LRRC4C: variants seen among roughly 807,000 people sequenced by gnomAD.
LRRC4C encodes the protein leucine-rich repeat-containing protein 4C.
Under a neutral mutation model 33.6 loss-of-function variants are expected in LRRC4C, and 5 were observed. That is an observed-to-expected ratio of 0.15 (90% CI 0.08 to 0.31). LRRC4C has a LOEUF of 0.31. LRRC4C is among the 10% of genes least tolerant of loss of function. The pLI is 1.00. For missense variants in LRRC4C, 560 were observed against 796.7 expected, an observed-to-expected ratio of 0.70 and a Z score of 3.58; for synonymous variants, 329 against 302.0, an observed-to-expected ratio of 1.09 and a Z score of -0.93.
chr11:41,438,064 A>ATAAATAAATAAATAC (rs1955495067), intron 1 of LRRC4C, among the ~76,000 whole-genome samples: 1 of 148,574 alleles, frequency 6.7e-6, no homozygotes, highest in African/African-American at 2.5e-5. Flanking sequence ...TAAATAAATA[A>ATAAATAAATAAATAC]ATAAATAATA....
intron 2 of LRRC4C, among the ~76,000 whole-genome samples, chr11:40,851,815 G>T (rs2135748405): frequency 6.6e-6 from 1 of 152,168 alleles, no homozygotes; most frequent in South Asian, 2.1e-4. Context: ...TTAAATAAGT[G>T]GATTGTCCTT....
At chr11:40,422,743 C>CT (rs1031835983) in intron 3 of LRRC4C, among the ~76,000 whole-genome samples, 23 of 150,278 alleles carry the variant, frequency 1.5e-4, no homozygotes, top group Non-Finnish European at 3.0e-5. Flanking sequence ...ACTTAAAATT[C>CT]TTTTTGGCCA....
chr11:41,231,254 C>T (rs983370951), intron 1 of LRRC4C, among the ~76,000 whole-genome samples: 7 of 152,004 alleles, frequency 4.6e-5, no homozygotes, highest in Non-Finnish European at 5.9e-5. Context: ...CCCAGCCATC[C>T]CATTACTGGG....
At chr11:41,065,721 G>A (rs1938184113) in intron 1 of LRRC4C, among the ~76,000 whole-genome samples, 1 of 152,170 alleles carries the variant, frequency 6.6e-6, no homozygotes, top group Non-Finnish European at 1.5e-5. Flanking sequence ...GGAAAGAGCA[G>A]GTAGCAATCT....
At chr11:41,274,303 A>G (rs1451280784) in intron 1 of LRRC4C, among the ~76,000 whole-genome samples, 1 of 152,134 alleles carries the variant, frequency 6.6e-6, no homozygotes, top group African/African-American at 2.4e-5. Flanking sequence ...TTTTAGAAGG[A>G]CATCTACAGC....
rs376299166 is a variant in LRRC4C, at chr11:40,791,125, C to T, written c.-407+142510G>A. 1.6e-4 allele frequency among the ~76,000 whole-genome samples: 24 copies of T among 152,278 alleles called. 1 individual carries two copies. In the South Asian group the frequency reaches 4.6e-3, roughly 29 times the overall value. On this transcript the variant is annotated intron_variant, in intron 2 of 6. Coordinates refer to ENST00000528697, the MANE Select transcript of LRRC4C (RefSeq NM_001258419.2). ...ATTTAAAGCTCACTCCCCACCTCTTCCAGAGGTGCTCATGAATTTGCTCAT... is the reference window on the plus strand; with the variant it reads ...ATTTAAAGCTCACTCCCCACCTCTTTCAGAGGTGCTCATGAATTTGCTCAT...
At chr11:40,127,018 G>A (rs1328062822) in intron 6 of LRRC4C, among the ~76,000 whole-genome samples, 2 of 151,796 alleles carry the variant, frequency 1.3e-5, no homozygotes, top group East Asian at 1.9e-4. Flanking sequence ...AGTGGCTCAC[G>A]CCTATAATCC....
chr11:40,437,066 G>A (rs889802004), intron 3 of LRRC4C, among the ~76,000 whole-genome samples: 1 of 152,138 alleles, frequency 6.6e-6, no homozygotes, highest in African/African-American at 2.4e-5. Flanking sequence ...TATATTTTTT[G>A]TGGGCTTTAA....
chr11:40,321,089 G>A (rs778916907), intron 3 of LRRC4C, among the ~76,000 whole-genome samples: 5 of 152,148 alleles, frequency 3.3e-5, no homozygotes, highest in Admixed American at 6.6e-5. Flanking sequence ...CCATCCTTCA[G>A]CTATCCTGAT....
At chr11:40,546,040 C>T (rs1260889064) in intron 3 of LRRC4C, among the ~76,000 whole-genome samples, 1 of 151,788 alleles carries the variant, frequency 6.6e-6, no homozygotes, top group Non-Finnish European at 1.5e-5. Flanking sequence ...AATATGTGTG[C>T]ATTTTATTTC....
At chr11:41,312,989 AC>A (rs1222043882) in intron 1 of LRRC4C, among the ~76,000 whole-genome samples, 1 of 152,244 alleles carries the variant, frequency 6.6e-6, no homozygotes, top group Non-Finnish European at 1.5e-5. Flanking sequence ...CTGGACTAAT[AC>A]ATGGTAATAA....
Position 40,116,167 on chromosome 11 carries a change from C to T in LRRC4C, c.126G>A (p.Val42=). ...ALQLLVVAGL[V]RAQTCPSVCS... is the part of the protein sequence containing the mutation. ...ACACAGAAGGGCAGGTCTGAGCCCGCACCAGACCAGCCACCACAAGAAGTT... is the reference window on the plus strand; with the variant it reads ...ACACAGAAGGGCAGGTCTGAGCCCGTACCAGACCAGCCACCACAAGAAGTT... The change falls in exon 7 of 7, where the codon GTG becomes GTA. Residue 42 remains valine (V), a synonymous_variant. Coordinates refer to ENST00000528697, the MANE Select transcript of LRRC4C (RefSeq NM_001258419.2). 2 of 1,613,862 alleles carry T rather than the reference C, an allele frequency of 1.2e-6. No homozygotes were observed. Among genetic ancestry groups the T allele is most frequent in the African/African-American group, 1.3e-5 (1 of 74,992 alleles).
chr11:40,980,788 A>G (rs887994773), intron 1 of LRRC4C, among the ~76,000 whole-genome samples: 6 of 152,168 alleles, frequency 3.9e-5, no homozygotes, highest in Admixed American at 6.5e-5. Flanking sequence ...TTCTTAATTC[A>G]TACCTTATTT....
chr11:40,694,462 A>G (rs1410605901), intron 2 of LRRC4C, among the ~76,000 whole-genome samples: 1 of 152,192 alleles, frequency 6.6e-6, no homozygotes. Context: ...CAGTCCACCA[A>G]TGAGTATAAT....
At chr11:41,229,645 T>C (rs747606324) in intron 1 of LRRC4C, among the ~76,000 whole-genome samples, 2 of 152,122 alleles carry the variant, frequency 1.3e-5, no homozygotes, top group Non-Finnish European at 2.9e-5. Flanking sequence ...TCATTTTAAA[T>C]GATGGCTGGT....
intron 1 of LRRC4C, among the ~76,000 whole-genome samples, chr11:41,452,351 T>C (rs2138654891): frequency 6.6e-6 from 1 of 152,216 alleles, no homozygotes; most frequent in African/African-American, 2.4e-5. Flanking sequence ...ATGTGTTTGC[T>C]CAATAGATAT....
At chr11:40,299,713 A>C in intron 4 of LRRC4C, among the ~76,000 whole-genome samples, 1 of 152,202 alleles carries the variant, frequency 6.6e-6, no homozygotes, top group East Asian at 1.9e-4. Flanking sequence ...TTGACCTCTT[A>C]ATAAATTTTG....
intron 3 of LRRC4C, among the ~76,000 whole-genome samples, chr11:40,495,813 GTTTTTTT>G (rs77683172): frequency 0.044 from 2,965 of 66,974 alleles, 220 homozygotes; most frequent in Middle Eastern, 0.081. Context: ...CAATAAACAT[GTTTTTTT>G]TTTTTTTTTT....
chr11:40,852,870 AC>A (rs1401231256), intron 2 of LRRC4C, among the ~76,000 whole-genome samples: 1 of 152,228 alleles, frequency 6.6e-6, no homozygotes, highest in Non-Finnish European at 1.5e-5. Context: ...AAAACACTTA[AC>A]AAAAATATGT....
Sources: gnomAD v4.1 joint callset for allele counts (sites outside exome capture counted in the v4.1 genomes callset) on GRCh38, gnomAD v4.1.1 for gene constraint, MANE v1.5 for transcripts, NCBI Gene and HGNC (gene_info 2026-07-23, HGNC 2026-07-21) for gene names.